Variants in GRIA3 observed in about 807,000 individuals in gnomAD.
The protein encoded by GRIA3 is glutamate receptor 3.
A neutral mutation model predicts 63.0 loss-of-function variants in GRIA3; 3 were observed. The observed-to-expected ratio is 0.05, with a 90% CI of 0.02 to 0.12. GRIA3 has a LOEUF of 0.12. GRIA3 is among the 10% of genes least tolerant of loss of function. The pLI is 1.00. For synonymous variants in GRIA3, 274 were observed against 257.9 expected (o/e 1.06, Z -0.60); for missense variants, 347 against 700.9 (o/e 0.50, Z 5.70).
intron 12 of GRIA3, among the ~76,000 whole-genome samples, chrX:123,455,300 A>C (rs891354812): frequency 8.9e-6 from 1 of 112,094 alleles, no homozygotes; most frequent in South Asian, 3.7e-4. Context: ...ACTTCTCTGA[A>C]TGTTAAAAAT....
At chrX:123,260,145 C>T (rs941397213) in intron 3 of GRIA3, among the ~76,000 whole-genome samples, 5 of 107,587 alleles carry the variant, frequency 4.6e-5, no homozygotes, top group African/African-American at 6.8e-5. Context: ...TGCATACTAA[C>T]GGAGGGTTGT....
intron 12 of GRIA3, among the ~76,000 whole-genome samples, chrX:123,443,404 C>T (rs1227043383): frequency 3.6e-5 from 4 of 111,686 alleles, no homozygotes; most frequent in Non-Finnish European, 7.5e-5. Flanking sequence ...TTTCAGAGAG[C>T]CCCCTGATTC....
intron 12 of GRIA3, among the ~76,000 whole-genome samples, chrX:123,451,918 C>T (rs2045734578): frequency 9.0e-6 from 1 of 111,470 alleles, no homozygotes; most frequent in South Asian, 3.7e-4. Context: ...AAAATTTAAC[C>T]AGCTGTATCA....
At chrX:123,381,727 G>T (rs996339702) in intron 5 of GRIA3, among the ~76,000 whole-genome samples, 38 of 111,671 alleles carry the variant, frequency 3.4e-4, no homozygotes, top group African/African-American at 1.2e-3. Flanking sequence ...ATCATGGACT[G>T]TCAGTGGTCA....
intron 3 of GRIA3, among the ~76,000 whole-genome samples, chrX:123,318,041 C>A (rs931114472): frequency 3.0e-4 from 34 of 112,836 alleles, no homozygotes; most frequent in African/African-American, 1.1e-3. Flanking sequence ...CACATGGAAG[C>A]CGCCAAGGCT....
intron 2 of GRIA3, among the ~76,000 whole-genome samples, chrX:123,242,452 C>T (rs1439551060): frequency 8.9e-6 from 1 of 111,837 alleles, no homozygotes; most frequent in African/African-American, 3.3e-5. Context: ...TTGACTGTGA[C>T]TGGATTACTG....
At chrX:123,253,766 G>T (rs2044403872) in intron 3 of GRIA3, 10 of 383,719 alleles carry the variant, frequency 2.6e-5, no homozygotes, top group Admixed American at 4.5e-5. Context: ...AAGCAGTTTG[G>T]AATACCTCTT....
chrX:123,400,782 T>A (rs1427311875), intron 7 of GRIA3, among the ~76,000 whole-genome samples: 1 of 112,152 alleles, frequency 8.9e-6, no homozygotes, highest in Non-Finnish European at 1.9e-5. Flanking sequence ...AGTGCACACA[T>A]TTAAATTGTT....
chrX:123,362,315 T>C, intron 5 of GRIA3, among the ~76,000 whole-genome samples: 1 of 111,548 alleles, frequency 9.0e-6, no homozygotes, highest in East Asian at 2.8e-4. Context: ...AGGCAGATTG[T>C]GGAAGTCAAT....
rs376703370 is a variant in GRIA3 at position 123,439,102 on chromosome X, A to G, written c.2076+10963A>G. On this transcript the variant is annotated intron_variant, in intron 12 of 15. Coordinates refer to ENST00000620443, the MANE Select transcript of GRIA3 (RefSeq NM_007325.5). ...ATTTATACAAAGCCTTGGACATTTTAGTTAGTGGCCCCGACTTTTAGCAAA... is the reference window on the plus strand; with the variant it reads ...ATTTATACAAAGCCTTGGACATTTTGGTTAGTGGCCCCGACTTTTAGCAAA... 1.5e-3 allele frequency among the ~76,000 whole-genome samples: 164 copies of G among 112,226 alleles called. 1 individual carries two copies. The highest frequency in any genetic ancestry group is 5.1e-3 in the African/African-American group (157 of 30,889).
intron 4 of GRIA3, among the ~76,000 whole-genome samples, chrX:123,333,398 C>T (rs1188665871): frequency 3.6e-5 from 4 of 111,535 alleles, no homozygotes; most frequent in African/African-American, 1.3e-4. Context: ...AGACAAGAGC[C>T]AGCCAACTGT....
intron 4 of GRIA3, among the ~76,000 whole-genome samples, chrX:123,338,684 G>T (rs188757603): frequency 4.5e-5 from 5 of 111,535 alleles, no homozygotes; most frequent in Non-Finnish European, 7.5e-5. Flanking sequence ...CCGAGTAGCT[G>T]GGATTACAGG....
chrX:123,456,477 C>G (rs1281105583), intron 12 of GRIA3, among the ~76,000 whole-genome samples: 1 of 111,257 alleles, frequency 9.0e-6, no homozygotes, highest in Non-Finnish European at 1.9e-5. Flanking sequence ...CTTGAGATTT[C>G]CACAGTTGGA....
chrX:123,199,771 C>A (rs1027849912), intron 2 of GRIA3, among the ~76,000 whole-genome samples: 2 of 111,614 alleles, frequency 1.8e-5, no homozygotes, highest in Non-Finnish European at 3.8e-5. Flanking sequence ...GTTTCAGGCG[C>A]CACAATTAAT....
intron 3 of GRIA3, among the ~76,000 whole-genome samples, chrX:123,297,823 G>C (rs375544950): frequency 2.7e-5 from 3 of 110,293 alleles, no homozygotes; most frequent in Non-Finnish European, 5.7e-5. Context: ...TCCTCACCCA[G>C]ATATTAAGCC....
chrX:123,234,506 T>C (rs1230860874), intron 2 of GRIA3, among the ~76,000 whole-genome samples: 1 of 111,953 alleles, frequency 8.9e-6, no homozygotes, highest in East Asian at 2.8e-4. Context: ...GATGGGCCAG[T>C]TCAGAGTGAG....
intron 4 of GRIA3, among the ~76,000 whole-genome samples, chrX:123,333,032 T>C (rs966063613): frequency 4.5e-5 from 5 of 111,306 alleles, no homozygotes; most frequent in Non-Finnish European, 9.4e-5. Flanking sequence ...GGTTGGGTAC[T>C]AGATGACAGA....
chrX:123,192,517 A>C (rs993379630), intron 2 of GRIA3, among the ~76,000 whole-genome samples: 2 of 111,688 alleles, frequency 1.8e-5, no homozygotes, highest in African/African-American at 6.5e-5. Context: ...ACCTTGTCTC[A>C]AACATACACT....
intron 3 of GRIA3, among the ~76,000 whole-genome samples, chrX:123,271,063 C>T (rs988312430): frequency 9.0e-6 from 1 of 111,692 alleles, no homozygotes; most frequent in Non-Finnish European, 1.9e-5. Context: ...CTCACTGACC[C>T]CATAATTTCT....
Sources: gnomAD v4.1 joint callset for allele counts (sites outside exome capture counted in the v4.1 genomes callset) on GRCh38, gnomAD v4.1.1 for gene constraint, MANE v1.5 for transcripts, NCBI Gene and HGNC (gene_info 2026-07-23, HGNC 2026-07-21) for gene names.